The following ATXN7 variants were observed in gnomAD, a reference collection of about 807,000 sequenced individuals.
ATXN7 encodes ataxin-7.
In ATXN7, 12 loss-of-function variants were observed where a neutral mutation model predicts 70.5. That is an observed-to-expected ratio of 0.17 (90% CI 0.11 to 0.28). The LOEUF (loss-of-function observed/expected upper bound fraction) is 0.28. Among genes scored for constraint, ATXN7 ranks in the 10% least tolerant of loss-of-function variants. The probability of loss-of-function intolerance (pLI) is 1.00; values close to 1 mark genes in which losing one functional copy is unlikely to be tolerated. For synonymous variants in ATXN7, 498 were observed against 448.7 expected (o/e 1.11, Z -1.39); for missense variants, 1,256 against 1,131.7 (o/e 1.11, Z -1.58).
chr3:63,925,548 C>T (rs970241635), intron 4 of ATXN7, among the ~76,000 whole-genome samples: 2 of 152,212 alleles, frequency 1.3e-5, no homozygotes, highest in Non-Finnish European at 1.5e-5. Context: ...TTCCCCTGAC[C>T]CCCCCAACCC....
At chr3:63,988,553 T>A (rs761152591) in intron 9 of ATXN7, 1 of 569,828 alleles carries the variant, frequency 1.8e-6, no homozygotes, top group Non-Finnish European at 3.0e-6. Context: ...GCTAGAGTTA[T>A]CTGCTCTATA....
intron 5 of ATXN7, among the ~76,000 whole-genome samples, chr3:63,956,911 C>T (rs1416596507): frequency 1.3e-5 from 2 of 152,196 alleles, no homozygotes; most frequent in African/African-American, 4.8e-5. Context: ...TTCCGAAAGT[C>T]AGAAGCCCCA....
chr3:63,886,084 G>A (rs1703078030), intron 1 of ATXN7, among the ~76,000 whole-genome samples: 1 of 152,132 alleles, frequency 6.6e-6, no homozygotes, highest in African/African-American at 2.4e-5. Flanking sequence ...TAAAAAAGAA[G>A]GAAATCCTTT....
intron 5 of ATXN7, among the ~76,000 whole-genome samples, chr3:63,973,040 G>GT (rs1283070910): frequency 2.0e-5 from 3 of 152,092 alleles, no homozygotes; most frequent in Admixed American, 6.6e-5. Flanking sequence ...ACTCTTGATC[G>GT]TTTAATCCAC....
chr3:63,998,521 A>G (rs752160086), intron 12 of ATXN7: 61 of 985,216 alleles, frequency 6.2e-5, no homozygotes, highest in Non-Finnish European at 6.9e-5. Flanking sequence ...AGAACAACAC[A>G]GACAGCCTAA....
chr3:63,915,147 C>G (rs1409923414), intron 4 of ATXN7, among the ~76,000 whole-genome samples: 4 of 152,134 alleles, frequency 2.6e-5, no homozygotes, highest in Non-Finnish European at 5.9e-5. Context: ...ACGTTGGCCA[C>G]GATGGTCTCA....
intron 1 of ATXN7, among the ~76,000 whole-genome samples, chr3:63,881,410 C>G (rs1311423482): frequency 6.6e-6 from 1 of 151,624 alleles, no homozygotes; most frequent in East Asian, 1.9e-4. Flanking sequence ...GGTCTAGAAG[C>G]AGCCAGAAGT....
chr3:63,965,976 T>C (rs1278295579), intron 5 of ATXN7, among the ~76,000 whole-genome samples: 3 of 152,218 alleles, frequency 2.0e-5, no homozygotes, highest in Non-Finnish European at 2.9e-5. Flanking sequence ...AACTTAAATA[T>C]AGACGTTTGT....
At chr3:63,961,248 A>T (rs2106690559) in intron 5 of ATXN7, among the ~76,000 whole-genome samples, 1 of 152,280 alleles carries the variant, frequency 6.6e-6, no homozygotes, top group African/African-American at 2.4e-5. Context: ...AATCTATCTA[A>T]AATATTTTTT....
intron 2 of ATXN7, among the ~76,000 whole-genome samples, chr3:63,909,888 A>G (rs1283254958): frequency 6.6e-6 from 1 of 152,184 alleles, no homozygotes; most frequent in Non-Finnish European, 1.5e-5. Flanking sequence ...TCAGTTTAAT[A>G]TAAGACACTT....
intron 2 of ATXN7, among the ~76,000 whole-genome samples, chr3:63,908,319 G>C (rs1703909147): frequency 6.6e-6 from 1 of 152,194 alleles, no homozygotes; most frequent in Non-Finnish European, 1.5e-5. Context: ...GGAAAGGCAT[G>C]CCCCTTGTGC....
chr3:63,957,081 G>A (rs1310154845), intron 5 of ATXN7, among the ~76,000 whole-genome samples: 2 of 152,176 alleles, frequency 1.3e-5, no homozygotes, highest in East Asian at 3.9e-4. Flanking sequence ...GATGACTTGT[G>A]GGGTGTTTTT....
chr3:63,933,892 G>T (rs1575917266), intron 4 of ATXN7, among the ~76,000 whole-genome samples: 2 of 151,972 alleles, frequency 1.3e-5, no homozygotes, highest in East Asian at 1.9e-4. Flanking sequence ...TGGAGGGAGT[G>T]GCTAGTTGAT....
chr3:63,980,697 G>A (rs567097624), intron 6 of ATXN7: 1 of 154,822 alleles, frequency 6.5e-6, no homozygotes, highest in Non-Finnish European at 1.4e-5. Context: ...CATAGTGTCT[G>A]GCCATAGGGG....
At chr3:63,984,461 T>C (rs1272343388) in intron 8 of ATXN7, among the ~76,000 whole-genome samples, 1 of 152,196 alleles carries the variant, frequency 6.6e-6, no homozygotes, top group Non-Finnish European at 1.5e-5. Context: ...GTTTCAGCTG[T>C]CCCTAAGAGA....
chr3:63,998,592 G>A, intron 12 of ATXN7: 1 of 985,346 alleles, frequency 1.0e-6, no homozygotes, highest in Non-Finnish European at 1.2e-6. Flanking sequence ...GTGTTTGAGA[G>A]AGATTTTCTC....
At chr3:63,952,315 C>A (rs2074968899) in intron 4 of ATXN7, 64 bp from the exon 5 acceptor site, 10 of 1,274,522 alleles carry the variant, frequency 7.8e-6, no homozygotes, top group Non-Finnish European at 1.1e-5. Context: ...AAAGTAGTTT[C>A]CCAAAATGGT....
At chr3:63,887,221 T>C (rs1227683840) in intron 1 of ATXN7, among the ~76,000 whole-genome samples, 1 of 152,226 alleles carries the variant, frequency 6.6e-6, no homozygotes, top group Admixed American at 6.5e-5. Flanking sequence ...CAGAATGTTA[T>C]ATTTCAACCA....
intron 4 of ATXN7, among the ~76,000 whole-genome samples, chr3:63,932,499 C>T (rs2074566485): frequency 6.6e-6 from 1 of 152,186 alleles, no homozygotes; most frequent in Admixed American, 6.5e-5. Flanking sequence ...GGTGATCTTT[C>T]TAATACTCTC....
Sources: allele counts gnomAD v4.1 joint callset (sites outside exome capture counted in the v4.1 genomes callset), GRCh38; gene constraint gnomAD v4.1.1; transcripts MANE v1.5; gene names NCBI Gene and HGNC (gene_info 2026-07-23, HGNC 2026-07-21).